Variants in PRKN observed in about 807,000 individuals in gnomAD.
PRKN encodes the protein E3 ubiquitin-protein ligase parkin.
PRKN carries 56 observed loss-of-function variants against 59.5 expected under a neutral mutation model. That is an observed-to-expected ratio of 0.94 (90% confidence interval 0.76 to 1.18). The LOEUF (loss-of-function observed/expected upper bound fraction) is 1.18, where lower values mean the gene tolerates loss of function less well. Ranked by LOEUF, PRKN falls within the 50% of genes most tolerant of loss-of-function variation. PRKN has a pLI of 0.00. For synonymous variants in PRKN, 250 were observed against 222.1 expected, an observed-to-expected ratio of 1.13 and a Z score of -1.12; for missense variants, 657 against 596.4, an observed-to-expected ratio of 1.10 and a Z score of -1.06.
At chr6:162,198,016 G>A (rs1784563512) in intron 4 of PRKN, among the ~76,000 whole-genome samples, 1 of 152,132 alleles carries the variant, frequency 6.6e-6, no homozygotes, top group Non-Finnish European at 1.5e-5. Flanking sequence ...TAGAATGAAG[G>A]GCAGGAAGTG....
In PRKN at chr6:161,843,168, C is replaced by T. The variant is rs557680067; in HGVS notation, c.735-57260G>A. 1.2e-3 allele frequency among the ~76,000 whole-genome samples: 188 copies of T among 152,220 alleles called. 1 individual carries two copies. Among genetic ancestry groups the T allele is most frequent in the African/African-American group, 3.9e-3 (162 of 41,556 alleles). ...AGAGGATTGCATAATTTAAGCCTCC[C>T]GTGAAGGCCCCAAACCAAACTCTAT... On this transcript the variant is annotated intron_variant, in intron 6 of 11. Coordinates refer to ENST00000366898, the MANE Select transcript of PRKN (RefSeq NM_004562.3).
intron 1 of PRKN, among the ~76,000 whole-genome samples, chr6:162,692,841 T>G (rs764804903): frequency 6.6e-6 from 1 of 152,186 alleles, no homozygotes; most frequent in Non-Finnish European, 1.5e-5. Context: ...ATGATTTCTA[T>G]GAGTCCTTTC....
chr6:161,792,574 G>T (rs938811057), intron 6 of PRKN, among the ~76,000 whole-genome samples: 8 of 152,206 alleles, frequency 5.3e-5, no homozygotes, highest in African/African-American at 1.9e-4. Flanking sequence ...AATATTACGT[G>T]CAAAATCCTT....
intron 10 of PRKN, among the ~76,000 whole-genome samples, chr6:161,368,818 G>A (rs1041863191): frequency 1.1e-4 from 16 of 152,244 alleles, no homozygotes; most frequent in African/African-American, 3.1e-4. Flanking sequence ...GGAGGCCACG[G>A]CTGCCAAAGC....
chr6:162,716,784 G>A (rs1044636436), intron 1 of PRKN, among the ~76,000 whole-genome samples: 12 of 122,970 alleles, frequency 9.8e-5, no homozygotes, highest in East Asian at 2.1e-4. Context: ...ACACACACAC[G>A]CGCACACACA....
chr6:162,242,790 G>C (rs1165936307), intron 3 of PRKN, among the ~76,000 whole-genome samples: 1 of 152,046 alleles, frequency 6.6e-6, no homozygotes, highest in Non-Finnish European at 1.5e-5. Flanking sequence ...TTAGTTTCTG[G>C]ACTGCATTTT....
chr6:162,568,201 T>A (rs1033315777), intron 1 of PRKN, among the ~76,000 whole-genome samples: 1 of 152,220 alleles, frequency 6.6e-6, no homozygotes, highest in African/African-American at 2.4e-5. Context: ...GACACTGGTC[T>A]GTCTGGGTAA....
In PRKN at chr6:161,499,017, C is replaced by T. The variant is rs1006120781; in HGVS notation, c.1083+49837G>A. 6.6e-6 allele frequency among the ~76,000 whole-genome samples: 1 copy of T among 152,080 alleles called. No individual in the cohort carries two copies. ...TGCTTTGCAACCTCCGCACATTTCT[C>T]AGAACTCAGGCTGAAACCCTGTGAT... On this transcript the variant is annotated intron_variant, in intron 9 of 11. Transcript: ENST00000366898. The surrounding 1 kb of genome is among the most constrained non-coding windows in gnomAD (Gnocchi z 4.2).
intron 7 of PRKN, among the ~76,000 whole-genome samples, chr6:161,656,468 C>T (rs1419373916): frequency 6.6e-6 from 1 of 152,224 alleles, no homozygotes; most frequent in Admixed American, 6.5e-5. Flanking sequence ...GACAGGGGCA[C>T]TCTCTGCAGC....
intron 7 of PRKN, among the ~76,000 whole-genome samples, chr6:161,602,305 AT>A (rs1260786288): frequency 1.3e-5 from 2 of 152,216 alleles, no homozygotes; most frequent in Non-Finnish European, 2.9e-5. Context: ...ATGACACTGA[AT>A]TTTTACATCA....
intron 8 of PRKN, among the ~76,000 whole-genome samples, chr6:161,556,105 C>T (rs556177560): frequency 6.6e-6 from 1 of 152,234 alleles, no homozygotes; most frequent in Non-Finnish European, 1.5e-5. Flanking sequence ...TTGTTGACTG[C>T]ATTCATAGTG....
In PRKN at chr6:161,505,170, A is replaced by T. The variant is rs183418224; in HGVS notation, c.1083+43684T>A. 1.0e-2 allele frequency among the ~76,000 whole-genome samples: 1,522 copies of T among 152,294 alleles called. 19 individuals are homozygous for T. The highest frequency in any genetic ancestry group is 0.027 in the East Asian group (142 of 5,176). On this transcript the variant is annotated intron_variant, in intron 9 of 11. Coordinates refer to ENST00000366898, the MANE Select transcript of PRKN (RefSeq NM_004562.3). ...TGTAAAAGTGTTCCTATTTCTCCAC[A>T]TCCTCTCAAGCATCTGTTGTTTCCT...
chr6:162,527,278 A>G (rs969945394), intron 1 of PRKN, among the ~76,000 whole-genome samples: 1 of 152,220 alleles, frequency 6.6e-6, no homozygotes, highest in African/African-American at 2.4e-5. Flanking sequence ...AGCAAGACGC[A>G]TAGTTACAGT....
intron 6 of PRKN, among the ~76,000 whole-genome samples, chr6:161,799,030 C>T (rs960246230): frequency 6.6e-6 from 1 of 152,230 alleles, no homozygotes; most frequent in Admixed American, 6.5e-5. Flanking sequence ...GGCCCTCAGA[C>T]TGCTTTTGCC....
chr6:162,142,074 A>T (rs902343507), intron 4 of PRKN, among the ~76,000 whole-genome samples: 2 of 152,246 alleles, frequency 1.3e-5, no homozygotes, highest in Non-Finnish European at 2.9e-5. Flanking sequence ...GCTGCTTAAA[A>T]GATTTTAGTT....
At chr6:162,686,858 C>T (rs1242557105) in intron 1 of PRKN, among the ~76,000 whole-genome samples, 1 of 152,124 alleles carries the variant, frequency 6.6e-6, no homozygotes, top group Non-Finnish European at 1.5e-5. Context: ...GTTCTCTATT[C>T]TGTTTCATTG....
Position 161,812,701 on chromosome 6 carries a change from C to T in PRKN, c.735-26793G>A, listed in dbSNP as rs1045670161. Among the ~76,000 whole-genome samples, 3 of 152,248 alleles carry T rather than the reference C, an allele frequency of 2.0e-5. No homozygotes were observed. In the East Asian group the frequency reaches 5.8e-4, roughly 29 times the overall value. On this transcript the variant is annotated intron_variant, in intron 6 of 11. Transcript: ENST00000366898. ...AATGTAAGATATTATCATGCACCTA[C>T]TAAAATATCCAAAATTAAAAAGACT...
intron 3 of PRKN, among the ~76,000 whole-genome samples, chr6:162,202,697 G>C (rs989323079): frequency 2.0e-5 from 3 of 152,134 alleles, no homozygotes; most frequent in African/African-American, 7.2e-5. Context: ...ATGCAGCATA[G>C]AACCATGTAT....
chr6:161,842,668 G>A (rs924636307), intron 6 of PRKN, among the ~76,000 whole-genome samples: 1 of 151,876 alleles, frequency 6.6e-6, no homozygotes, highest in Non-Finnish European at 1.5e-5. Flanking sequence ...GGGTTCACAC[G>A]ATTCTCCTGC....
Sources: allele counts gnomAD v4.1 joint callset (sites outside exome capture counted in the v4.1 genomes callset), GRCh38; gene constraint gnomAD v4.1.1; non-coding constraint Gnocchi (gnomAD v3.1); transcripts MANE v1.5; gene names NCBI Gene and HGNC (gene_info 2026-07-23, HGNC 2026-07-21).